The following GP2 variants were observed in gnomAD, a reference collection of about 807,000 sequenced individuals.
The protein encoded by GP2 is glycoprotein 2.
GP2 carries 58 observed loss-of-function variants against 60.8 expected under a neutral mutation model. The ratio of observed to expected loss-of-function variants is 0.95; its 90% CI spans 0.77 to 1.19. The LOEUF (loss-of-function observed/expected upper bound fraction) is 1.19. GP2 is among the 50% of genes most tolerant of loss of function. The pLI is 0.00. For synonymous variants in GP2, 280 were observed against 253.4 expected (o/e 1.10, Z -1.00); for missense variants, 647 against 667.4 (o/e 0.97, Z 0.34).
intron 3 of GP2, chr16:20,323,531 G>A: frequency 1.6e-6 from 1 of 612,484 alleles, no homozygotes; most frequent in African/African-American, 1.8e-5. Context: ...GCTCAGGGAG[G>A]CAAATTAAAC....
At position 20,317,261 on chromosome 16, in the gene GP2, CAGGAAA is replaced by C; in HGVS notation, c.1362_1367del (p.Phe455_Leu456del). 1 of 1,613,594 alleles carries C rather than the reference CAGGAAA, an allele frequency of 6.2e-7. No individual in the cohort carries two copies. The highest frequency in any genetic ancestry group is 8.5e-7 in the Non-Finnish European group (1 of 1,179,532). ...AATCACAGAGATGAATCTCACAATG[CAGGAAA>C]ACTAGGTCATAATGTCCAGCAAACA... On this transcript the variant is annotated inframe_deletion, in exon 8 of 11. Transcript: ENST00000302555.
At position 20,318,177 on chromosome 16, in the gene GP2, C is replaced by T. The variant is rs1964243311; in HGVS notation, c.1253+8G>A. Reference sequence around the variant, plus strand: ...AGGCCAAATGATAATTCCAGAATTGCTCGTTACCTGTTTCTGATGATGAAA... The same window carrying T: ...AGGCCAAATGATAATTCCAGAATTGTTCGTTACCTGTTTCTGATGATGAAA... On this transcript the variant is annotated splice_region_variant and intron_variant, in intron 7 of 10. Coordinates refer to ENST00000302555, the MANE Select transcript of GP2 (RefSeq NM_001502.4). The T allele has an allele frequency of 2.5e-6, 4 of 1,611,946 alleles. No homozygotes were observed. The highest frequency in any genetic ancestry group is 1.1e-5 in the South Asian group (1 of 91,024).
intron 4 of GP2, among the ~76,000 whole-genome samples, chr16:20,322,456 C>G (rs1012640154): frequency 6.6e-6 from 1 of 152,188 alleles, no homozygotes; most frequent in African/African-American, 2.4e-5. Context: ...TTATTATTAC[C>G]TTATCCTCAT....
intron 10 of GP2, among the ~76,000 whole-genome samples, chr16:20,314,371 T>C (rs1596518219): frequency 6.6e-6 from 1 of 152,094 alleles, no homozygotes; most frequent in African/African-American, 2.4e-5. Context: ...TATTTTCTAC[T>C]TTCCACACTG....
chr16:20,325,727 C>T (rs1964513532), intron 2 of GP2, among the ~76,000 whole-genome samples: 1 of 152,164 alleles, frequency 6.6e-6, no homozygotes, highest in African/African-American at 2.4e-5. Flanking sequence ...GATTTTCAAG[C>T]TTTGCACATG....
rs924067971 is a variant in GP2 at position 20,323,099 on chromosome 16, T to C, written c.536-120A>G. ...GAATCTTGCCAAGGTTGTGTGATAC[T>C]TAGTGGAAGCATCAAGCCTGACTCC... On this transcript the variant is annotated intron_variant, in intron 3 of 10. Coordinates refer to ENST00000302555, the MANE Select transcript of GP2 (RefSeq NM_001502.4). The C allele has an allele frequency of 6.2e-5, 40 of 643,184 alleles. No homozygotes were observed. In the African/African-American group the frequency reaches 7.0e-4, roughly 11 times the overall value. The allele number at this position is 643,184 out of a possible 1,614,324, so 39.8% of individuals were successfully genotyped here.
rs1471377534 is a variant in GP2, at chr16:20,320,450, G to C, written c.670C>G (p.Leu224Val). Reference sequence around the variant, plus strand: ...TTGATCTCCCTGGGCCCACAGTCTAGCTGAGGCTGCAAACTGTGGACATCT... The same window carrying C: ...TTGATCTCCCTGGGCCCACAGTCTACCTGAGGCTGCAAACTGTGGACATCT... ...SSDVHSLQPQ[L>V]DCGPREIKVK... The change falls in exon 5 of 11, where the codon CTA (leucine) becomes GTA (valine). Residue 224 changes from leucine to valine, a missense_variant. Physicochemically the swap from Leu to Val is conservative, Grantham distance 32. Coordinates refer to ENST00000302555, the MANE Select transcript of GP2 (RefSeq NM_001502.4). 1 of 1,613,480 alleles carries C rather than the reference G, an allele frequency of 6.2e-7. No homozygotes were observed. Among genetic ancestry groups the C allele is most frequent in the Non-Finnish European group, 8.5e-7 (1 of 1,179,446 alleles).
intron 6 of GP2, 69 bp downstream of exon 6, chr16:20,319,551 G>T: frequency 9.0e-7 from 1 of 1,115,002 alleles, no homozygotes; most frequent in Non-Finnish European, 1.4e-6. Context: ...ATCATAGTCT[G>T]CACTTGAAGT....
At chr16:20,322,113 C>T (rs989876890) in intron 4 of GP2, among the ~76,000 whole-genome samples, 3 of 152,178 alleles carry the variant, frequency 2.0e-5, no homozygotes, top group East Asian at 3.8e-4. Flanking sequence ...ACTGTGGCTC[C>T]GTTTTCCAAA....
chr16:20,314,190 T>C (rs1281011843), intron 10 of GP2, among the ~76,000 whole-genome samples: 1 of 149,386 alleles, frequency 6.7e-6, no homozygotes, highest in African/African-American at 2.5e-5. Context: ...TATATACCTA[T>C]GTAACAAACC....
In GP2 at chr16:20,324,261, GA is replaced by G; in HGVS notation, c.95-6del. The G allele has an allele frequency of 6.3e-7, 1 of 1,579,988 alleles. No homozygotes were observed. The highest frequency in any genetic ancestry group is 8.6e-7 in the Non-Finnish European group (1 of 1,157,396). ...CTTCAATGGGGTTTCCATAACCTGG[GA>G]AAGTGACAGAGTGCAGTTGGGTTTA... On this transcript the variant is annotated splice_region_variant and splice_polypyrimidine_tract_variant and intron_variant, in intron 2 of 10. Coordinates refer to ENST00000302555, the MANE Select transcript of GP2 (RefSeq NM_001502.4).
chr16:20,321,027 C>A (rs932781973), intron 4 of GP2, among the ~76,000 whole-genome samples: 3 of 151,560 alleles, frequency 2.0e-5, no homozygotes, highest in African/African-American at 7.3e-5. Context: ...ATTTACCAAC[C>A]ACATTATCTC....
In GP2 at chr16:20,311,281, C is replaced by T. The variant is rs758977295; in HGVS notation, c.1547G>A (p.Gly516Glu). 16 of 1,597,024 alleles carry T rather than the reference C, an allele frequency of 1.0e-5. No homozygotes were observed. In the South Asian group the frequency reaches 1.7e-4, roughly 16 times the overall value. The change falls in exon 11 of 11, where the codon GGG becomes GAG. Residue 516 changes from glycine to glutamate, a missense_variant and splice_region_variant. Transcript: ENST00000302555. ...GVMNGTPSTAGFLVAWPMVLL... is the reference protein window; with the variant it reads ...GVMNGTPSTAEFLVAWPMVLL... The stretch of plus-strand genomic sequence containing the variant: ...GACCATAGGCCAGGCCACCAGGAAC[C>T]CTGAAATACAAGAAATATGACTGTC...
Position 20,324,185 on chromosome 16 carries a change from C to T in GP2, c.166G>A (p.Ala56Thr). 3 of 1,613,928 alleles carry T rather than the reference C, an allele frequency of 1.9e-6. No homozygotes were observed. The highest frequency in any genetic ancestry group is 1.7e-6 in the Non-Finnish European group (2 of 1,179,778). ...TGACAGGGGTCAAAACAGACATGAG[C>T]CTCTGGGGTGCCAGGAGCTCCGCAG... ...LDCGAPGTPE[A>T]HVCFDPCQNY... The change falls in exon 3 of 11, where the codon GCT becomes ACT. Residue 56 changes from alanine to threonine, a missense_variant. Ala to Thr is a moderately conservative substitution (Grantham distance 58). Coordinates refer to ENST00000302555, the MANE Select transcript of GP2 (RefSeq NM_001502.4).
At position 20,324,056 on chromosome 16, in the gene GP2, C is replaced by T; in HGVS notation, c.295G>A (p.Gly99Arg). 1 of 1,613,994 alleles carries T rather than the reference C, an allele frequency of 6.2e-7. No homozygotes were observed. The highest frequency in any genetic ancestry group is 8.5e-7 in the Non-Finnish European group (1 of 1,179,812). ...MSGWYRFVGE[G>R]GVRMSETCVQ... ...CAGGTCTCCGACATCCTTACTCCTC[C>T]TTCCCCTACAAAGCGGTACCAGCCG... is the stretch of plus-strand genomic sequence containing the variant. Residue 99 changes from glycine (G) to arginine (R), a missense_variant, in exon 3 of 11, where the codon GGA (glycine) becomes AGA (arginine). By Grantham distance (125) the Gly-to-Arg change is moderately radical. Coordinates refer to ENST00000302555, the MANE Select transcript of GP2 (RefSeq NM_001502.4).
At chr16:20,312,001 A>T (rs573892521) in intron 10 of GP2, among the ~76,000 whole-genome samples, 1 of 152,364 alleles carries the variant, frequency 6.6e-6, no homozygotes, top group African/African-American at 2.4e-5. Flanking sequence ...GCCAAAGAGA[A>T]ATATTAATAG....
intron 4 of GP2, among the ~76,000 whole-genome samples, chr16:20,321,221 C>T (rs1596525305): frequency 6.6e-6 from 1 of 152,096 alleles, no homozygotes; most frequent in East Asian, 1.9e-4. Context: ...AGCCACCACA[C>T]CTGGCTAATT....
At chr16:20,321,531 G>T (rs1053247449) in intron 4 of GP2, among the ~76,000 whole-genome samples, 7 of 152,200 alleles carry the variant, frequency 4.6e-5, no homozygotes, top group African/African-American at 1.7e-4. Flanking sequence ...AGAGAAGAAG[G>T]TCTATCTGAG....
intron 2 of GP2, 158 bp downstream of exon 2, chr16:20,326,180 C>T: frequency 1.6e-6 from 1 of 621,200 alleles, no homozygotes; most frequent in Non-Finnish European, 2.8e-6. Flanking sequence ...ACTTGATTTC[C>T]ATTGTTTCTC....
Sources: gnomAD v4.1 joint callset for allele counts (sites outside exome capture counted in the v4.1 genomes callset) on GRCh38, gnomAD v4.1.1 for gene constraint, MANE v1.5 for transcripts, NCBI Gene and HGNC (gene_info 2026-07-23, HGNC 2026-07-21) for gene names.